Variants in HTR1F observed in about 807,000 individuals in gnomAD.
HTR1F encodes the protein 5-hydroxytryptamine (serotonin) receptor 1F, G protein-coupled.
In HTR1F, 17 loss-of-function variants were observed where a neutral mutation model predicts 24.0. The observed-to-expected ratio is 0.71, with a 90% CI of 0.48 to 1.06. HTR1F has a LOEUF of 1.06. HTR1F is among the 50% of genes least tolerant of loss of function. The probability of loss-of-function intolerance (pLI) is 0.00; values close to 1 mark genes in which losing one functional copy is unlikely to be tolerated. For missense variants in HTR1F, 391 were observed against 427.8 expected (o/e 0.91, Z 0.76); for synonymous variants, 186 against 156.8 (o/e 1.19, Z -1.39).
At chr3:87,906,500 C>A (rs1012771086) in intron 2 of HTR1F, among the ~76,000 whole-genome samples, 2 of 151,986 alleles carry the variant, frequency 1.3e-5, no homozygotes, top group African/African-American at 2.4e-5. Context: ...GCCTACCAAA[C>A]TAAACTGTAG....
chr3:87,875,850 G>C (rs750533337), intron 2 of HTR1F, among the ~76,000 whole-genome samples: 65 of 150,530 alleles, frequency 4.3e-4, no homozygotes, highest in Non-Finnish European at 6.8e-4. Flanking sequence ...CTTGAACCCA[G>C]GAGGTGGAGC....
At chr3:87,937,828 G>A (rs1704462402) in intron 2 of HTR1F, among the ~76,000 whole-genome samples, 1 of 151,902 alleles carries the variant, frequency 6.6e-6, no homozygotes, top group South Asian at 2.1e-4. Flanking sequence ...GGAGACTGAG[G>A]CAGGAGAATC....
chr3:87,871,726 G>A (rs1042651958), intron 2 of HTR1F, among the ~76,000 whole-genome samples: 1 of 152,088 alleles, frequency 6.6e-6, no homozygotes, highest in Admixed American at 6.6e-5. Context: ...TTATTCAGCA[G>A]AAATTCTATA....
intron 2 of HTR1F, among the ~76,000 whole-genome samples, chr3:87,865,239 T>G (rs528510850): frequency 1.1e-4 from 17 of 152,322 alleles, no homozygotes; most frequent in African/African-American, 4.1e-4. Context: ...ATCACTCATT[T>G]TATTTCATAA....
intron 2 of HTR1F, among the ~76,000 whole-genome samples, chr3:87,967,391 A>C (rs967340807): frequency 2.4e-4 from 37 of 152,198 alleles, no homozygotes; most frequent in African/African-American, 8.9e-4. Context: ...CGGAGGTTAC[A>C]ATGAGCTGAG....
intron 2 of HTR1F, among the ~76,000 whole-genome samples, chr3:87,902,305 A>G (rs1197055997): frequency 1.3e-5 from 2 of 152,142 alleles, no homozygotes; most frequent in African/African-American, 4.8e-5. Flanking sequence ...TGCCACCACT[A>G]TGCAAAGGGG....
chr3:87,946,372 G>C (rs925413683), intron 2 of HTR1F, among the ~76,000 whole-genome samples: 5 of 152,034 alleles, frequency 3.3e-5, no homozygotes, highest in Admixed American at 2.6e-4. Flanking sequence ...GCCCCAAAGA[G>C]GGTAGCCTGA....
intron 2 of HTR1F, among the ~76,000 whole-genome samples, chr3:87,866,809 AGT>A (rs1705436416): frequency 7.8e-6 from 1 of 128,374 alleles, no homozygotes; most frequent in African/African-American, 3.7e-5. Context: ...CATGGGCACA[AGT>A]GTGCGTGCGT....
chr3:87,886,144 G>A (rs1158989775), intron 2 of HTR1F, among the ~76,000 whole-genome samples: 5 of 152,122 alleles, frequency 3.3e-5, no homozygotes, highest in Non-Finnish European at 7.3e-5. Flanking sequence ...CATCCACCAC[G>A]ATCAAGTTGT....
chr3:87,843,835 T>C (rs961459506), intron 2 of HTR1F, among the ~76,000 whole-genome samples: 6 of 151,844 alleles, frequency 4.0e-5, no homozygotes, highest in African/African-American at 1.2e-4. Flanking sequence ...ATTTCATCCA[T>C]GTCCCTACAA....
At position 87,991,581 on chromosome 3, in the gene HTR1F, T is replaced by C. The variant is rs1307178172; in HGVS notation, c.832T>C (p.Trp278Arg). Residue 278 changes from tryptophan (W) to arginine (R), a missense_variant, in exon 3 of 3, where the codon TGG (tryptophan) becomes CGG (arginine). Transcript: ENST00000319595. The part of the protein sequence containing the change: ...LRSEFKHEKS[W>R]RRQKISGTRE... Reference sequence around the variant, plus strand: ...GTCTGAATTCAAGCATGAGAAATCTTGGAGAAGGCAAAAGATCTCAGGTAC... The same window carrying C: ...GTCTGAATTCAAGCATGAGAAATCTCGGAGAAGGCAAAAGATCTCAGGTAC... 6 of 1,613,960 alleles carry C rather than the reference T, an allele frequency of 3.7e-6. No individual in the cohort carries two copies. Among genetic ancestry groups the C allele is most frequent in the Non-Finnish European group, 5.1e-6 (6 of 1,180,004 alleles).
intron 2 of HTR1F, among the ~76,000 whole-genome samples, chr3:87,858,107 G>A (rs1426962954): frequency 3.9e-5 from 6 of 152,110 alleles, no homozygotes; most frequent in Non-Finnish European, 8.8e-5. Flanking sequence ...ACAAACTCAG[G>A]CCCTGGTCTA....
chr3:87,841,900 C>CA (rs1463648976), intron 2 of HTR1F, among the ~76,000 whole-genome samples: 13,436 of 56,606 alleles, frequency 0.24, 1,321 homozygotes, highest in African/African-American at 0.3. Context: ...GATTCTGTCT[C>CA]AAAAAAAAAA....
At chr3:87,949,076 A>T (rs1704777156) in intron 2 of HTR1F, among the ~76,000 whole-genome samples, 1 of 152,224 alleles carries the variant, frequency 6.6e-6, no homozygotes, top group South Asian at 2.1e-4. Context: ...ACTGTTTAAA[A>T]AAAAGTCTCA....
chr3:87,949,046 C>T (rs1026824012), intron 2 of HTR1F, among the ~76,000 whole-genome samples: 1 of 152,216 alleles, frequency 6.6e-6, no homozygotes, highest in Non-Finnish European at 1.5e-5. Context: ...ATGTTTAGCT[C>T]TGCTTAGATT....
chr3:87,989,047 C>T (rs1705744538), intron 2 of HTR1F, among the ~76,000 whole-genome samples: 2 of 152,120 alleles, frequency 1.3e-5, no homozygotes, highest in South Asian at 2.1e-4. Context: ...ATAGTAATAG[C>T]TCTACCTAAG....
chr3:87,991,691 A>G lies in HTR1F; in HGVS notation c.942A>G (p.Leu314=). The G allele has an allele frequency of 6.2e-7, 1 of 1,613,704 alleles. No homozygotes were observed. The highest frequency in any genetic ancestry group is 8.5e-7 in the Non-Finnish European group (1 of 1,179,822). ...GGCTTCCTTTTTTTGTAAAAGAATT[A>G]GTTGTTAATGTCTGTGACAAATGTA... ...ICWLPFFVKE[L]VVNVCDKCKI... The change falls in exon 3 of 3, where the codon TTA becomes TTG. Residue 314 remains leucine (L), a synonymous_variant. Coordinates refer to ENST00000319595, the MANE Select transcript of HTR1F (RefSeq NM_001322209.2).
At chr3:87,914,359 C>T (rs1044173749) in intron 2 of HTR1F, among the ~76,000 whole-genome samples, 4 of 152,162 alleles carry the variant, frequency 2.6e-5, no homozygotes, top group African/African-American at 4.8e-5. Context: ...CAGAACTCGG[C>T]AGAGGGCATG....
rs1487266111 is a variant in HTR1F at position 87,991,170 on chromosome 3, G to A, written c.421G>A (p.Gly141Ser). The change falls in exon 3 of 3, where the codon GGC becomes AGC. Residue 141 changes from glycine to serine, a missense_variant. Gly to Ser is a moderately conservative substitution (Grantham distance 56). Coordinates refer to ENST00000319595, the MANE Select transcript of HTR1F (RefSeq NM_001322209.2). The stretch of plus-strand genomic sequence containing the variant: ...CAGGAAAAGGACTCCAAAGCATGCT[G>A]GCATTATGATTACAATAGTTTGGAT... Reference protein sequence around the residue: ...YARKRTPKHAGIMITIVWIIS... With the variant: ...YARKRTPKHASIMITIVWIIS... The A allele has an allele frequency of 1.2e-6, 2 of 1,613,854 alleles. No individual in the cohort carries two copies. Among genetic ancestry groups the A allele is most frequent in the Non-Finnish European group, 1.7e-6 (2 of 1,179,994 alleles).
Sources: allele counts gnomAD v4.1 joint callset (sites outside exome capture counted in the v4.1 genomes callset), GRCh38; gene constraint gnomAD v4.1.1; transcripts MANE v1.5; gene names NCBI Gene and HGNC (gene_info 2026-07-23, HGNC 2026-07-21).